ABTB2: variants seen among roughly 807,000 people sequenced by gnomAD.
The protein encoded by ABTB2 is ankyrin repeat and BTB/POZ domain-containing protein 2.
In ABTB2, 56 loss-of-function variants were observed where a neutral mutation model predicts 104.1. The observed-to-expected ratio is 0.54, with a 90% confidence interval of 0.43 to 0.67. ABTB2 has a LOEUF of 0.67. Ranked by LOEUF, ABTB2 falls within the 30% of genes least tolerant of loss-of-function variation. The pLI is 0.00. For synonymous variants in ABTB2, 606 were observed against 608.2 expected, an observed-to-expected ratio of 1.00 and a Z score of 0.05; for missense variants, 1,279 against 1,407.7, an observed-to-expected ratio of 0.91 and a Z score of 1.46.
chr11:34,332,156 C>A (rs1855138512), intron 1 of ABTB2, among the ~76,000 whole-genome samples: 1 of 152,194 alleles, frequency 6.6e-6, no homozygotes, highest in Non-Finnish European at 1.5e-5. Flanking sequence ...AGGACTGTAA[C>A]TTTTCGCCTC....
chr11:34,164,138 C>T, intron 9 of ABTB2, among the ~76,000 whole-genome samples: 1 of 152,350 alleles, frequency 6.6e-6, no homozygotes, highest in South Asian at 2.1e-4. Context: ...CCCGTTTCTG[C>T]CCTGTAATAA....
In ABTB2 at chr11:34,200,760, T is replaced by C. The variant is rs1384264354; in HGVS notation, c.1031-3222A>G. On this transcript the variant is annotated intron_variant, in intron 2 of 16. Coordinates refer to ENST00000435224, the MANE Select transcript of ABTB2 (RefSeq NM_145804.3). ...GCAAGAGTTAAATGACCCGTCCCAG[T>C]TCTGCAACTAGTAAGTCAATCAGCC... 3.3e-5 allele frequency among the ~76,000 whole-genome samples: 5 copies of C among 152,220 alleles called. No homozygotes were observed. The East Asian group carries it at 9.6e-4, about 29-fold the overall frequency.
chr11:34,233,412 C>T (rs1014541450), intron 1 of ABTB2, among the ~76,000 whole-genome samples: 1 of 151,588 alleles, frequency 6.6e-6, no homozygotes, highest in Non-Finnish European at 1.5e-5. Flanking sequence ...CTGCAGCCTC[C>T]GCCTCCCAGG....
intron 3 of ABTB2, among the ~76,000 whole-genome samples, chr11:34,192,883 C>T (rs1231796431): frequency 6.6e-6 from 1 of 152,238 alleles, no homozygotes; most frequent in Non-Finnish European, 1.5e-5. Flanking sequence ...ATGTCTCCCT[C>T]TGTCTCCTCT....
intron 1 of ABTB2, among the ~76,000 whole-genome samples, chr11:34,230,769 G>A (rs549844349): frequency 9.8e-5 from 15 of 152,286 alleles, no homozygotes; most frequent in Middle Eastern, 6.8e-3. Flanking sequence ...ATCTCAGTAT[G>A]ATCTGCAAAT....
At chr11:34,326,162 G>A (rs181389769) in intron 1 of ABTB2, among the ~76,000 whole-genome samples, 3 of 152,038 alleles carry the variant, frequency 2.0e-5, no homozygotes, top group Admixed American at 2.0e-4. Context: ...AAGGGTAAAG[G>A]GATAGTGGTG....
Position 34,264,047 on chromosome 11 carries a change from T to C in ABTB2, c.884-59357A>G, listed in dbSNP as rs538079549. Among the ~76,000 whole-genome samples the C allele has an allele frequency of 8.5e-5, 13 of 152,284 alleles. No individual in the cohort carries two copies. The South Asian group carries it at 2.7e-3, about 32-fold the overall frequency. On this transcript the variant is annotated intron_variant, in intron 1 of 16. Transcript: ENST00000435224. ...GAGATCAGTGGTCTTCCAGGGTAAG[T>C]TTCCCAATGTTTTCTCTAAGGGAAG...
intron 1 of ABTB2, among the ~76,000 whole-genome samples, chr11:34,280,150 T>C (rs768933043): frequency 1.3e-5 from 2 of 152,122 alleles, no homozygotes; most frequent in Non-Finnish European, 2.9e-5. Context: ...ATTGTACAGA[T>C]GAGAACATTG....
intron 14 of ABTB2, among the ~76,000 whole-genome samples, chr11:34,158,405 C>T (rs1032658681): frequency 6.6e-6 from 1 of 151,794 alleles, no homozygotes; most frequent in African/African-American, 2.4e-5. Context: ...AGTGAGACTC[C>T]GTGTCAAAAA....
At chr11:34,323,605 T>TGAAG (rs2133112329) in intron 1 of ABTB2, among the ~76,000 whole-genome samples, 1 of 152,342 alleles carries the variant, frequency 6.6e-6, no homozygotes, top group East Asian at 1.9e-4. Context: ...ATAGTCCTTC[T>TGAAG]GTCTCGTATT....
intron 1 of ABTB2, among the ~76,000 whole-genome samples, chr11:34,230,816 A>C (rs764372766): frequency 2.0e-5 from 3 of 152,172 alleles, no homozygotes; most frequent in Admixed American, 1.3e-4. Flanking sequence ...TTTCAAAAGG[A>C]ATGTCCCAGA....
intron 1 of ABTB2, among the ~76,000 whole-genome samples, chr11:34,325,392 G>C (rs1855057070): frequency 6.6e-6 from 1 of 152,070 alleles, no homozygotes; most frequent in Admixed American, 6.6e-5. Flanking sequence ...AAATCAGTGG[G>C]CCCAAAGTTC....
intron 1 of ABTB2, among the ~76,000 whole-genome samples, chr11:34,303,159 C>T (rs1441833721): frequency 6.6e-6 from 1 of 152,110 alleles, no homozygotes; most frequent in Non-Finnish European, 1.5e-5. Context: ...AGGAAGATGG[C>T]AGTAGTCAGC....
chr11:34,324,542 T>C (rs944132433), intron 1 of ABTB2, among the ~76,000 whole-genome samples: 3 of 152,194 alleles, frequency 2.0e-5, no homozygotes, highest in Non-Finnish European at 4.4e-5. Context: ...CCAACACTTC[T>C]TCCTAGGGTC....
At chr11:34,278,707 T>C (rs923566914) in intron 1 of ABTB2, among the ~76,000 whole-genome samples, 6 of 152,204 alleles carry the variant, frequency 3.9e-5, no homozygotes, top group Non-Finnish European at 8.8e-5. Context: ...TCAATAACAC[T>C]GCTTACTTCT....
intron 3 of ABTB2, among the ~76,000 whole-genome samples, chr11:34,184,553 G>A (rs1004757706): frequency 2.6e-5 from 4 of 152,194 alleles, no homozygotes; most frequent in Non-Finnish European, 2.9e-5. Flanking sequence ...TGGAGACTGC[G>A]CATGGGCCTC....
chr11:34,355,936 T>C (rs1855460375), intron 1 of ABTB2, among the ~76,000 whole-genome samples: 2 of 152,216 alleles, frequency 1.3e-5, no homozygotes, highest in East Asian at 1.9e-4. Flanking sequence ...TTCCCCTTGA[T>C]GGGCCACCAC....
At chr11:34,318,295 A>AT (rs1227305194) in intron 1 of ABTB2, among the ~76,000 whole-genome samples, 1 of 151,860 alleles carries the variant, frequency 6.6e-6, no homozygotes, top group Admixed American at 6.6e-5. Flanking sequence ...CCTAGTGTCT[A>AT]TTTTTTCCAT....
intron 1 of ABTB2, among the ~76,000 whole-genome samples, chr11:34,326,283 A>G (rs1264267873): frequency 6.6e-6 from 1 of 152,236 alleles, no homozygotes; most frequent in East Asian, 1.9e-4. Flanking sequence ...AAAAAACCAC[A>G]GAGATATAGT....
Sources: allele counts gnomAD v4.1 joint callset (sites outside exome capture counted in the v4.1 genomes callset), GRCh38; gene constraint gnomAD v4.1.1; transcripts MANE v1.5; gene names NCBI Gene and HGNC (gene_info 2026-07-23, HGNC 2026-07-21).